Variants in HCRTR2 observed in about 807,000 individuals in gnomAD.
HCRTR2 encodes hypocretin receptor 2.
In HCRTR2, 22 loss-of-function variants were observed where a neutral mutation model predicts 49.0. That is an observed-to-expected ratio of 0.45 (90% confidence interval 0.32 to 0.64). The LOEUF (loss-of-function observed/expected upper bound fraction) is 0.64, where lower values mean the gene tolerates loss of function less well. Among genes scored for constraint, HCRTR2 ranks in the 30% least tolerant of loss-of-function variants. HCRTR2 has a pLI of 0.04. For synonymous variants in HCRTR2, 236 were observed against 205.3 expected, an observed-to-expected ratio of 1.15 and a Z score of -1.28; for missense variants, 491 against 559.4, an observed-to-expected ratio of 0.88 and a Z score of 1.23.
chr6:55,200,106 A>C (rs1765484402), intron 1 of HCRTR2, among the ~76,000 whole-genome samples: 1 of 152,142 alleles, frequency 6.6e-6, no homozygotes, highest in African/African-American at 2.4e-5. Flanking sequence ...CAAGATTAAA[A>C]TCTGTATCAC....
At chr6:55,141,116 C>T (rs1455027727) in intron 1 of HCRTR2, among the ~76,000 whole-genome samples, 4 of 150,460 alleles carry the variant, frequency 2.7e-5, no homozygotes, top group African/African-American at 7.3e-5. Flanking sequence ...GGGTGGATCA[C>T]GAGGTCAGGA....
intron 1 of HCRTR2, among the ~76,000 whole-genome samples, chr6:55,135,997 C>T (rs911398025): frequency 1.3e-5 from 2 of 152,162 alleles, no homozygotes; most frequent in Non-Finnish European, 2.9e-5. Context: ...AATTGCATGC[C>T]TGCTTCCCTT....
chr6:55,248,568 T>C, intron 1 of HCRTR2, 71 bp from the exon 2 acceptor site: 2 of 1,207,922 alleles, frequency 1.7e-6, no homozygotes, highest in Non-Finnish European at 2.5e-6. Flanking sequence ...TTTATAGAAA[T>C]ACTGACAGTG....
chr6:55,266,209 G>T (rs1309133728), intron 4 of HCRTR2, among the ~76,000 whole-genome samples: 1 of 152,038 alleles, frequency 6.6e-6, no homozygotes, highest in Non-Finnish European at 1.5e-5. Flanking sequence ...GTGTTGAATT[G>T]GTATATGTGA....
intron 1 of HCRTR2, among the ~76,000 whole-genome samples, chr6:55,186,548 C>T (rs1451596999): frequency 6.6e-6 from 1 of 152,116 alleles, no homozygotes; most frequent in Non-Finnish European, 1.5e-5. Flanking sequence ...AATTTGGTAG[C>T]TTTTTGTTCT....
chr6:55,276,613 A>C (rs181652630), intron 4 of HCRTR2, among the ~76,000 whole-genome samples: 21 of 152,324 alleles, frequency 1.4e-4, no homozygotes, highest in Non-Finnish European at 3.1e-4. Flanking sequence ...CAATTAAGAG[A>C]ATATTGTACT....
intron 4 of HCRTR2, among the ~76,000 whole-genome samples, chr6:55,272,703 T>C (rs918062516): frequency 6.6e-6 from 1 of 151,954 alleles, no homozygotes. Flanking sequence ...ATAGGAATTA[T>C]CCACGGGTTG....
chr6:55,165,743 GAATATATA>G (rs1460987947), intron 1 of HCRTR2, among the ~76,000 whole-genome samples: 1,408 of 90,150 alleles, frequency 0.016, 34 homozygotes, highest in Non-Finnish European at 0.02. Context: ...TTAGTATACA[GAATATATA>G]TATATATATA....
intron 1 of HCRTR2, among the ~76,000 whole-genome samples, chr6:55,108,870 C>T (rs372352958): frequency 2.0e-5 from 3 of 152,058 alleles, no homozygotes; most frequent in Non-Finnish European, 2.9e-5. Context: ...TGGGGAGGGG[C>T]GAAGCCTGAA....
chr6:55,203,635 T>A (rs2127286235), intron 1 of HCRTR2, among the ~76,000 whole-genome samples: 1 of 152,298 alleles, frequency 6.6e-6, no homozygotes, highest in Non-Finnish European at 1.5e-5. Flanking sequence ...GATGGTCACC[T>A]TCTCACTGAT....
rs537006356 is a variant in HCRTR2, at chr6:55,120,802, G to A, written c.-378+14257G>A. 2.0e-5 allele frequency among the ~76,000 whole-genome samples: 3 copies of A among 151,830 alleles called. No homozygotes were observed. The South Asian group carries it at 6.2e-4, about 32-fold the overall frequency. On this transcript the variant is annotated intron_variant, in intron 1 of 7. Transcript: ENST00000615358. ...TTCCAATACTATGTTGAATAGGAGT[G>A]GTGAGAGATCTGTTCTGTTCCATTG... is the stretch of plus-strand genomic sequence containing the variant.
chr6:55,121,852 AT>A (rs1380740209), intron 1 of HCRTR2, among the ~76,000 whole-genome samples: 5 of 152,060 alleles, frequency 3.3e-5, no homozygotes, highest in African/African-American at 1.2e-4. Context: ...GTGCTGCTGG[AT>A]TTGGTTTGCC....
At chr6:55,245,533 TA>T (rs1459652218) in intron 1 of HCRTR2, among the ~76,000 whole-genome samples, 1 of 143,830 alleles carries the variant, frequency 7.0e-6, no homozygotes, top group Non-Finnish European at 1.5e-5. Flanking sequence ...CCTTGGCTTT[TA>T]AAAAAGCTTA....
chr6:55,268,410 A>G (rs1766902634), intron 4 of HCRTR2, among the ~76,000 whole-genome samples: 1 of 152,106 alleles, frequency 6.6e-6, no homozygotes, highest in Non-Finnish European at 1.5e-5. Context: ...ATAGATTGAC[A>G]TAATAGATAA....
At chr6:55,242,595 C>T (rs1766357453) in intron 1 of HCRTR2, among the ~76,000 whole-genome samples, 1 of 152,130 alleles carries the variant, frequency 6.6e-6, no homozygotes, top group South Asian at 2.1e-4. Flanking sequence ...GTACCATATC[C>T]AATCACATCA....
chr6:55,253,245 TA>T (rs1766588228), intron 2 of HCRTR2, among the ~76,000 whole-genome samples: 2 of 151,502 alleles, frequency 1.3e-5, no homozygotes, highest in Non-Finnish European at 3.0e-5. Flanking sequence ...ACACACACAT[TA>T]GGCCTAAAGC....
At chr6:55,193,550 T>TC (rs201188171) in intron 1 of HCRTR2, among the ~76,000 whole-genome samples, 5 of 151,004 alleles carry the variant, frequency 3.3e-5, no homozygotes, top group African/African-American at 9.7e-5. Context: ...TTTTTTTTTT[T>TC]CCTCTCATTC....
At chr6:55,111,327 G>T (rs1764045849) in intron 1 of HCRTR2, among the ~76,000 whole-genome samples, 1 of 149,368 alleles carries the variant, frequency 6.7e-6, no homozygotes, top group Non-Finnish European at 1.5e-5. Flanking sequence ...GATCTGAGCA[G>T]AACTGAATGA....
intron 1 of HCRTR2, among the ~76,000 whole-genome samples, chr6:55,213,781 T>G (rs1765737336): frequency 6.6e-6 from 1 of 152,146 alleles, no homozygotes. Context: ...ATACAAGTGC[T>G]AATTGGGAAG....
Sources: allele counts gnomAD v4.1 joint callset (sites outside exome capture counted in the v4.1 genomes callset), GRCh38; gene constraint gnomAD v4.1.1; transcripts MANE v1.5; gene names NCBI Gene and HGNC (gene_info 2026-07-23, HGNC 2026-07-21).